Variants in SMIM31 observed in about 807,000 individuals in gnomAD.
SMIM31 encodes the protein small integral membrane protein 31.
At chr4:164,769,718 A>C (rs1042280678) in intron 1 of SMIM31, among the ~76,000 whole-genome samples, 1 of 148,240 alleles carries the variant, frequency 6.7e-6, no homozygotes, top group Non-Finnish European at 1.5e-5. Flanking sequence ...CACGTTGTGC[A>C]CATGTACCCT....
chr4:164,771,101 T>C (rs1430484858), intron 2 of SMIM31, among the ~76,000 whole-genome samples: 1 of 152,228 alleles, frequency 6.6e-6, no homozygotes, highest in Non-Finnish European at 1.5e-5. Context: ...TTGTGCTTCC[T>C]AGCTTATCCC....
intron 2 of SMIM31, among the ~76,000 whole-genome samples, chr4:164,772,789 G>A (rs796881944): frequency 1.5e-4 from 23 of 151,066 alleles, no homozygotes; most frequent in African/African-American, 3.1e-4. Flanking sequence ...CGTGTTAGCC[G>A]GGATGGTCTC....
intron 2 of SMIM31, among the ~76,000 whole-genome samples, chr4:164,785,765 C>G (rs923873511): frequency 6.7e-6 from 1 of 149,690 alleles, no homozygotes; most frequent in Non-Finnish European, 1.5e-5. Flanking sequence ...TATATATATA[C>G]ACATATATAC....
intron 1 of SMIM31, among the ~76,000 whole-genome samples, chr4:164,766,523 G>A (rs754905481): frequency 2.6e-5 from 4 of 152,114 alleles, no homozygotes; most frequent in Non-Finnish European, 4.4e-5. Context: ...ATGTAGCCAG[G>A]CACGGTGGCT....
chr4:164,793,828 C>T (rs532147420), intron 2 of SMIM31, among the ~76,000 whole-genome samples: 24 of 152,114 alleles, frequency 1.6e-4, no homozygotes, highest in African/African-American at 5.5e-4. Context: ...CAGTCTATAA[C>T]ACATCATATA....
At chr4:164,798,050 G>A (rs898937123) in intron 2 of SMIM31, among the ~76,000 whole-genome samples, 2 of 152,144 alleles carry the variant, frequency 1.3e-5, no homozygotes, top group East Asian at 3.9e-4. Flanking sequence ...CCATGTTGCT[G>A]CAAAAGACAT....
At chr4:164,757,578 T>C (rs1732581695) in intron 1 of SMIM31, among the ~76,000 whole-genome samples, 1 of 152,144 alleles carries the variant, frequency 6.6e-6, no homozygotes, top group African/African-American at 2.4e-5. Context: ...AAGACTATGT[T>C]GAATTTATTT....
At chr4:164,772,442 C>A (rs1014510626) in intron 2 of SMIM31, among the ~76,000 whole-genome samples, 1 of 152,112 alleles carries the variant, frequency 6.6e-6, no homozygotes, top group Non-Finnish European at 1.5e-5. Flanking sequence ...TTATCAGGAG[C>A]CTTCCATGAA....
chr4:164,778,914 T>A (rs185489634), intron 2 of SMIM31, among the ~76,000 whole-genome samples: 2 of 150,348 alleles, frequency 1.3e-5, no homozygotes, highest in Non-Finnish European at 3.0e-5. Context: ...ACTATAACCA[T>A]AAACTCTTTG....
chr4:164,765,873 C>G (rs1216631034), intron 1 of SMIM31, among the ~76,000 whole-genome samples: 1 of 152,134 alleles, frequency 6.6e-6, no homozygotes, highest in African/African-American at 2.4e-5. Context: ...TATTTTTACT[C>G]TGGCAGATTT....
intron 2 of SMIM31, among the ~76,000 whole-genome samples, chr4:164,792,769 A>C (rs1202483838): frequency 6.6e-6 from 1 of 152,152 alleles, no homozygotes; most frequent in Non-Finnish European, 1.5e-5. Flanking sequence ...AAATAAAAAA[A>C]TTTATCATAA....
chr4:164,781,907 G>A (rs1003843639), intron 2 of SMIM31, among the ~76,000 whole-genome samples: 28 of 152,162 alleles, frequency 1.8e-4, no homozygotes, highest in Non-Finnish European at 3.8e-4. Flanking sequence ...ACGGGGAATT[G>A]CACAAGCCAG....
intron 1 of SMIM31, among the ~76,000 whole-genome samples, chr4:164,755,547 AGGGGAGGGGAGGGGAGGGGAGGGGAG>A (rs1732549382): frequency 1.1e-3 from 2 of 1,824 alleles, no homozygotes; most frequent in Admixed American, 7.2e-3. Flanking sequence ...AGAGGAGGGG[AGGGGAGGGGAGGGGAGGGGAGGGGAG>A]GGGAGGGGAG....
intron 1 of SMIM31, among the ~76,000 whole-genome samples, 167 bp downstream of exon 1, chr4:164,754,578 C>CTTTTTTTTT (rs1442567424): frequency 1.5e-5 from 1 of 65,160 alleles, no homozygotes. Flanking sequence ...TTTTTTTTTG[C>CTTTTTTTTT]TGTTAAAAAA....
rs115386881 is a variant in SMIM31 at position 164,763,783 on chromosome 4, C to T, written c.-25-6636C>T. Among the ~76,000 whole-genome samples the T allele has an allele frequency of 4.4e-3, 670 of 152,294 alleles. 4 individuals carry two copies. Among genetic ancestry groups the T allele is most frequent in the African/African-American group, 0.015 (626 of 41,562 alleles). ...AAGATTTAAAAGAAGGCATAGAATA[C>T]CTGCTTATTAACCTAGTGGGTGTGT... On this transcript the variant is annotated intron_variant, in intron 1 of 2. Transcript: ENST00000507311.
intron 1 of SMIM31, among the ~76,000 whole-genome samples, chr4:164,767,433 A>G (rs192163837): frequency 6.6e-6 from 1 of 152,346 alleles, no homozygotes; most frequent in East Asian, 1.9e-4. Context: ...TTTACCTACT[A>G]TCTGTTACTA....
intron 1 of SMIM31, among the ~76,000 whole-genome samples, chr4:164,767,989 T>C (rs4691132): frequency 0.46 from 70,407 of 151,602 alleles, 17,250 homozygotes; most frequent in Admixed American, 0.55. Flanking sequence ...AATCTCAGCA[T>C]TTTGGGAGGC....
intron 1 of SMIM31, 140 bp downstream of exon 1, chr4:164,754,551 ATTTTTTTTTTTTTT>A (rs57916805): frequency 7.2e-5 from 4 of 55,620 alleles, no homozygotes; most frequent in East Asian, 6.3e-4. Context: ...TCCTGGAGGT[ATTTTTTTTTTTTTT>A]TTTTTTTTTT....
chr4:164,771,861 T>G (rs1270699501), intron 2 of SMIM31, among the ~76,000 whole-genome samples: 1 of 152,148 alleles, frequency 6.6e-6, no homozygotes, highest in Admixed American at 6.5e-5. Flanking sequence ...GGAAAAATGG[T>G]TGTCTCATTT....
Sources: gnomAD v4.1 joint callset for allele counts (sites outside exome capture counted in the v4.1 genomes callset) on GRCh38, gnomAD v4.1.1 for gene constraint, MANE v1.5 for transcripts, NCBI Gene and HGNC (gene_info 2026-07-23, HGNC 2026-07-21) for gene names.